The following EIF3B variants were observed in gnomAD, a reference collection of about 807,000 sequenced individuals.
EIF3B encodes the protein eukaryotic translation initiation factor 3 subunit B, also known as eukaryotic translation initiation factor 3 subunit 9.
A neutral mutation model predicts 104.6 loss-of-function variants in EIF3B; 10 were observed. That is an observed-to-expected ratio of 0.10 (90% CI 0.06 to 0.16). The LOEUF is 0.16. Ranked by LOEUF, EIF3B falls within the 10% of genes least tolerant of loss-of-function variation. EIF3B has a pLI of 1.00. For synonymous variants in EIF3B, 542 were observed against 417.2 expected (o/e 1.30, Z -3.65); for missense variants, 1,014 against 1,087.9 (o/e 0.93, Z 0.96).
At chr7:2,363,007 C>T in intron 3 of EIF3B, 63 bp from the exon 4 acceptor site, 2 of 1,582,022 alleles carry the variant, frequency 1.3e-6, no homozygotes, top group Non-Finnish European at 1.7e-6. Flanking sequence ...ATGCTGGAGC[C>T]CCCACGAGTT....
Position 2,379,749 on chromosome 7 carries a change from G to A in EIF3B, c.*14+238G>A, listed in dbSNP as rs987270964. ...TTTCAGGCAGTGCTGGGTGAGGGAGGAGCTGTGGCCAGGTGTTGGGAAGTG... is the reference window on the plus strand; with the variant it reads ...TTTCAGGCAGTGCTGGGTGAGGGAGAAGCTGTGGCCAGGTGTTGGGAAGTG... On this transcript the variant is annotated intron_variant, in intron 18 of 18. Transcript: ENST00000360876. 6 of 509,620 alleles carry A rather than the reference G, an allele frequency of 1.2e-5. No individual in the cohort carries two copies. In the East Asian group the frequency reaches 1.8e-4, roughly 15 times the overall value. 31.6% of individuals were successfully genotyped at this position (509,620 alleles called of 1,614,324 possible).
Position 2,364,545 on chromosome 7 carries a change from AACAC to A in EIF3B, c.1157+18_1157+21del. On this transcript the variant is annotated intron_variant, in intron 6 of 18. Transcript: ENST00000360876. ...CTTGTGAAAGGTAAGCTGCTAGAAA[AACAC>A]AGGGGAGTCTATGCATTTCACCCCA... 2 of 1,607,380 alleles carry A rather than the reference AACAC, an allele frequency of 1.2e-6. No homozygotes were observed. Among genetic ancestry groups the A allele is most frequent in the Non-Finnish European group, 1.7e-6 (2 of 1,177,458 alleles).
chr7:2,379,079 C>A, intron 16 of EIF3B, 55 bp from the exon 17 acceptor site: 3 of 1,517,752 alleles, frequency 2.0e-6, no homozygotes, highest in Non-Finnish European at 2.7e-6. Context: ...GGGCTCTTCG[C>A]GATGGGGAGG....
chr7:2,361,009 T>G, intron 2 of EIF3B, 107 bp downstream of exon 2: 1 of 890,450 alleles, frequency 1.1e-6, no homozygotes, highest in South Asian at 1.8e-5. Context: ...CCCAGGCACG[T>G]GGGCCGTTCA....
At chr7:2,375,723 G>C (rs987976349) in intron 14 of EIF3B, among the ~76,000 whole-genome samples, 196 bp downstream of exon 14, 2 of 152,192 alleles carry the variant, frequency 1.3e-5, no homozygotes, top group Non-Finnish European at 2.9e-5. Context: ...TGCAGGAGCA[G>C]CCCCTGCTCA....
Position 2,372,762 on chromosome 7 carries a change from C to T in EIF3B, c.1777C>T (p.His593Tyr). The change falls in exon 12 of 19, where the codon CAC becomes TAC. Residue 593 changes from histidine (H) to tyrosine (Y), a missense_variant. Transcript: ENST00000360876. ...TCCGCGGATATCTGTGTCTTTCTACCACGTCAAAAACAACGGGAAGATTGA... is the reference window on the plus strand; with the variant it reads ...TCCGCGGATATCTGTGTCTTTCTACTACGTCAAAAACAACGGGAAGATTGA... Reference protein sequence around the residue: ...EAPRISVSFYHVKNNGKIELI... With the variant: ...EAPRISVSFYYVKNNGKIELI... The T allele has an allele frequency of 6.2e-7, 1 of 1,614,106 alleles. No individual in the cohort carries two copies. The highest frequency in any genetic ancestry group is 8.5e-7 in the Non-Finnish European group (1 of 1,180,010).
At chr7:2,379,016 T>A (rs1780847663) in intron 16 of EIF3B, 118 bp from the exon 17 acceptor site, 2 of 870,446 alleles carry the variant, frequency 2.3e-6, no homozygotes, top group Non-Finnish European at 3.6e-6. Context: ...GACTAGCCAT[T>A]CCTGCTTGAG....
At position 2,377,593 on chromosome 7, in the gene EIF3B, CATG is replaced by C. The variant is rs1215021849; in HGVS notation, c.2154+519_2154+521del. 3.1e-3 allele frequency among the ~76,000 whole-genome samples: 313 copies of C among 102,594 alleles called. 1 individual carries two copies. The highest frequency in any genetic ancestry group is 4.1e-3 in the Non-Finnish European group (227 of 55,044). 67.3% of individuals were successfully genotyped at this position (102,594 alleles called of 152,430 possible). On this transcript the variant is annotated intron_variant, in intron 15 of 18. Coordinates refer to ENST00000360876, the MANE Select transcript of EIF3B (RefSeq NM_001037283.2). ...GTGTTCTGTGAATGACCCTGGGTGT[CATG>C]GAGGAAGGAGCAGGCGCGAGCTCTC...
intron 1 of EIF3B, among the ~76,000 whole-genome samples, chr7:2,355,915 T>G (rs746417192): frequency 6.0e-4 from 92 of 152,362 alleles, no homozygotes; most frequent in Non-Finnish European, 1.0e-3. Context: ...TCCAGAGACT[T>G]CCTTAGTGGG....
At chr7:2,354,604 T>C (rs537166862), upstream of EIF3B, among the ~76,000 whole-genome samples, 1 of 152,310 alleles carries the variant, frequency 6.6e-6, no homozygotes, top group East Asian at 1.9e-4. Context: ...CGGAACCATC[T>C]GCTGCCACAC....
At chr7:2,376,120 CATTCG>C (rs1233624638) in intron 14 of EIF3B, 1 of 155,116 alleles carries the variant, frequency 6.4e-6, no homozygotes, top group Non-Finnish European at 1.4e-5. Flanking sequence ...GAAATCTTCG[CATTCG>C]AATCAGGATA....
chr7:2,372,946 G>C, intron 12 of EIF3B, 151 bp downstream of exon 12: 1 of 804,640 alleles, frequency 1.2e-6, no homozygotes, highest in Non-Finnish European at 1.8e-6. Context: ...GCTGATGGAA[G>C]TGAGCGATGG....
intron 6 of EIF3B, 65 bp from the exon 7 acceptor site, chr7:2,366,252 G>T: frequency 6.7e-7 from 1 of 1,499,652 alleles, no homozygotes; most frequent in Non-Finnish European, 8.9e-7. Context: ...TGTTCTGGCC[G>T]CACAGACAGA....
In EIF3B at chr7:2,362,742, A is replaced by G; in HGVS notation, c.790A>G (p.Asn264Asp). Residue 264 changes from asparagine (N) to aspartate (D), a missense_variant, in exon 3 of 19, where the codon AAC becomes GAC. Asn to Asp is a conservative substitution (Grantham distance 23). This residue lies in a region of EIF3B where 488 missense variants were observed against 404.3 expected (regional missense o/e 1.21). Transcript: ENST00000360876. Reference protein sequence around the residue: ...KLDKQHTFRVNLFTDFDKYMT... With the variant: ...KLDKQHTFRVDLFTDFDKYMT... ...TGACAAGCAGCACACATTCCGGGTC[A>G]ACCTCTTTACGGATTTTGACAAGTG... is the stretch of plus-strand genomic sequence containing the variant. The G allele has an allele frequency of 6.2e-7, 1 of 1,614,212 alleles. No homozygotes were observed. The highest frequency in any genetic ancestry group is 8.5e-7 in the Non-Finnish European group (1 of 1,180,044).
intron 6 of EIF3B, 81 bp from the exon 7 acceptor site, chr7:2,366,236 A>G: frequency 6.9e-7 from 1 of 1,449,602 alleles, no homozygotes; most frequent in Non-Finnish European, 9.3e-7. Context: ...GCGAGTTCTG[A>G]CGGCGTGTTC....
chr7:2,355,155 C>G lies in EIF3B; in HGVS notation c.234C>G (p.Ser78=). Reference sequence around the variant, plus strand: ...CGGCGGCCGAGGCAGAGGCGGCCTCCGGCCCGTCCGAGTCGCCCTCGCCGC... The same window carrying G: ...CGGCGGCCGAGGCAGAGGCGGCCTCGGGCCCGTCCGAGTCGCCCTCGCCGC... ...TEPAAEAEAA[S]GPSESPSPPA... is the part of the protein sequence containing the mutation. Residue 78 remains serine (S), a synonymous_variant, in exon 1 of 19, where the codon TCC becomes TCG. Transcript: ENST00000360876. 6.9e-7 allele frequency: 1 copy of G among 1,444,792 alleles called. No homozygotes were observed. Among genetic ancestry groups the G allele is most frequent in the Non-Finnish European group, 9.0e-7 (1 of 1,109,102 alleles). The allele number at this position is 1,444,792 out of a possible 1,614,324, so 89.5% of individuals were successfully genotyped here.
chr7:2,356,873 C>G (rs539425943), intron 1 of EIF3B, among the ~76,000 whole-genome samples: 2 of 151,714 alleles, frequency 1.3e-5, no homozygotes, highest in Admixed American at 1.3e-4. Context: ...TCATAAAAGA[C>G]ATTTTAGCAT....
intron 11 of EIF3B, 191 bp downstream of exon 11, chr7:2,372,040 AAAAAC>A: frequency 1.8e-6 from 1 of 561,714 alleles, no homozygotes. Context: ...TCTCTGTACA[AAAAAC>A]AAATAAAAAA....
At position 2,380,513 on chromosome 7, in the gene EIF3B, A is replaced by G. The variant is rs1057137166; in HGVS notation, c.*324A>G. On this transcript the variant is annotated 3_prime_UTR_variant, in exon 19 of 19. Coordinates refer to ENST00000360876, the MANE Select transcript of EIF3B (RefSeq NM_001037283.2). ...CCGCCGGCGTTGGCTCCGAAGACTTAGCGACGCCACTGGCGGCACCTTCTC... is the reference window on the plus strand; with the variant it reads ...CCGCCGGCGTTGGCTCCGAAGACTTGGCGACGCCACTGGCGGCACCTTCTC... 11 of 451,584 alleles carry G rather than the reference A, an allele frequency of 2.4e-5. No individual in the cohort carries two copies. The highest frequency in any genetic ancestry group is 2.2e-4 in the African/African-American group (11 of 50,158). The allele number at this position is 451,584 out of a possible 1,614,324, so 28.0% of individuals were successfully genotyped here.
Sources: allele counts gnomAD v4.1 joint callset (sites outside exome capture counted in the v4.1 genomes callset), GRCh38; gene constraint gnomAD v4.1.1; regional missense constraint gnomAD v4.1.1; transcripts MANE v1.5; gene names NCBI Gene and HGNC (gene_info 2026-07-23, HGNC 2026-07-21).